MTHFD1: variants seen among roughly 807,000 people sequenced by gnomAD.
MTHFD1 encodes the protein methylenetetrahydrofolate dehydrogenase, cyclohydrolase and formyltetrahydrofolate synthetase 1, also known as C-1-tetrahydrofolate synthase, cytoplasmic.
Under a neutral mutation model 110.3 loss-of-function variants are expected in MTHFD1, and 44 were observed. The observed-to-expected ratio is 0.40, with a 90% CI of 0.31 to 0.51. The LOEUF is 0.51. MTHFD1 is among the 20% of genes least tolerant of loss of function. MTHFD1 has a pLI of 0.60. For synonymous variants in MTHFD1, 402 were observed against 428.8 expected (o/e 0.94, Z 0.77); for missense variants, 909 against 1,173.1 (o/e 0.77, Z 3.29).
intron 7 of MTHFD1, among the ~76,000 whole-genome samples, chr14:64,418,391 C>T (rs1416429996): frequency 6.9e-6 from 1 of 144,694 alleles, no homozygotes; most frequent in Admixed American, 7.2e-5. Context: ...GTCGAGGCTG[C>T]AGTAAGCTAC....
At chr14:64,440,775 C>T (rs535430363) in intron 18 of MTHFD1, 252 of 234,974 alleles carry the variant, frequency 1.1e-3, no homozygotes, top group Middle Eastern at 5.2e-3. Flanking sequence ...CGAGCATTGT[C>T]GTGCTCTAAA....
chr14:64,436,014 C>G (rs1322368931), intron 16 of MTHFD1, among the ~76,000 whole-genome samples: 1 of 152,098 alleles, frequency 6.6e-6, no homozygotes, highest in East Asian at 1.9e-4. Context: ...TTAATCACTT[C>G]TTGAATCATG....
In MTHFD1 at chr14:64,449,573, A is replaced by T; in HGVS notation, c.2408A>T (p.Gln803Leu). 6.2e-7 allele frequency: 1 copy of T among 1,614,246 alleles called. No individual in the cohort carries two copies. Among genetic ancestry groups the T allele is most frequent in the Non-Finnish European group, 8.5e-7 (1 of 1,180,046 alleles). Residue 803 changes from glutamine to leucine, a missense_variant, in exon 24 of 28, where the codon CAG becomes CTG. Gln to Leu is a moderately radical substitution (Grantham distance 113, BLOSUM62 -2). This residue lies in a region of MTHFD1 where 482 missense variants were observed against 646.0 expected (regional missense o/e 0.75). Coordinates refer to ENST00000652337, the MANE Select transcript of MTHFD1 (RefSeq NM_005956.4). ...GCCTTAGCCCTGGCTCAGGCCGTCC[A>T]GAGAGCAGCACAAGCACCCAGCAGC... ...KGALALAQAV[Q>L]RAAQAPSSFQ... is the part of the protein sequence containing the mutation.
intron 1 of MTHFD1, among the ~76,000 whole-genome samples, chr14:64,397,190 TAAA>T (rs1170738947): frequency 7.7e-4 from 4 of 5,204 alleles, no homozygotes; most frequent in African/African-American, 2.9e-3. Flanking sequence ...TATATATATA[TAAA>T]AAACAGTAAT....
intron 2 of MTHFD1, among the ~76,000 whole-genome samples, chr14:64,409,888 A>C (rs1244883581): frequency 6.6e-6 from 1 of 152,118 alleles, no homozygotes; most frequent in African/African-American, 2.4e-5. Flanking sequence ...CCTGTGTTAC[A>C]AAAGCCGGCT....
rs1275810295 is a variant in MTHFD1 at position 64,441,140 on chromosome 14, C to T, written c.1816-245C>T. The T allele has an allele frequency of 6.4e-5, 29 of 453,592 alleles. No individual in the cohort carries two copies. The East Asian group carries it at 1.2e-3, about 19-fold the overall frequency. The allele number at this position is 453,592 out of a possible 1,614,324, so 28.1% of individuals were successfully genotyped here. On this transcript the variant is annotated intron_variant, in intron 18 of 27. Coordinates refer to ENST00000652337, the MANE Select transcript of MTHFD1 (RefSeq NM_005956.4). ...CTGGGAGGTGGAGCTTGCAGTGAGC[C>T]GAGATTGCACCACTGCACTCCAGCC...
At chr14:64,410,626 G>T (rs914906704) in intron 2 of MTHFD1, among the ~76,000 whole-genome samples, 2 of 152,140 alleles carry the variant, frequency 1.3e-5, no homozygotes, top group Non-Finnish European at 2.9e-5. Flanking sequence ...TCTATTGTCT[G>T]TGTGGCGGGG....
intron 22 of MTHFD1, 187 bp downstream of exon 22, chr14:64,444,921 T>C (rs745885048): frequency 1.6e-6 from 1 of 643,416 alleles, no homozygotes; most frequent in Non-Finnish European, 2.8e-6. Context: ...CCTCACAAAA[T>C]AGAATTGTCC....
In MTHFD1 at chr14:64,408,285, C is replaced by CTTTTTTT. The variant is rs1555336630; in HGVS notation, c.127-2791_127-2785dup. Among the ~76,000 whole-genome samples, 7 of 121,182 alleles carry CTTTTTTT rather than the reference C, an allele frequency of 5.8e-5. No homozygotes were observed. In the South Asian group the frequency reaches 7.6e-4, roughly 13 times the overall value. 79.5% of individuals were successfully genotyped at this position (121,182 alleles called of 152,430 possible). On this transcript the variant is annotated intron_variant, in intron 2 of 27. Coordinates refer to ENST00000652337, the MANE Select transcript of MTHFD1 (RefSeq NM_005956.4). ...CCACCTTCAAGGAGAAATCAGCATTCTTTTTTTTTTTTTTTTTTTTGAGAT... is the reference window on the plus strand; with the variant it reads ...CCACCTTCAAGGAGAAATCAGCATTCTTTTTTTTTTTTTTTTTTTTTTTTTTTGAGAT...
chr14:64,418,447 T>A (rs1191953039), intron 7 of MTHFD1, among the ~76,000 whole-genome samples: 2 of 43,034 alleles, frequency 4.6e-5, no homozygotes, highest in Non-Finnish European at 9.4e-5. Context: ...CAAGACCCTG[T>A]CTCAAAAAAA....
At chr14:64,451,694 A>G (rs11849530) in intron 24 of MTHFD1, among the ~76,000 whole-genome samples, 30,973 of 152,140 alleles carry the variant, frequency 0.2, 3,742 homozygotes, top group East Asian at 0.35. Flanking sequence ...TTTAGAACCC[A>G]TTTCTACTTG....
rs780221079 is a variant in MTHFD1 at position 64,448,232 on chromosome 14, G to A, written c.2194G>A (p.Glu732Lys). 3 of 1,613,932 alleles carry A rather than the reference G, an allele frequency of 1.9e-6. No individual in the cohort carries two copies. Among genetic ancestry groups the A allele is most frequent in the Admixed American group, 1.7e-5 (1 of 60,010 alleles). Residue 732 changes from glutamate to lysine, a missense_variant, in exon 23 of 28, where the codon GAA becomes AAA. Around this residue, in one of 3 missense-constraint regions of MTHFD1, gnomAD observed 482 missense variants for 646.0 expected, o/e 0.75. Transcript: ENST00000652337. ...AYIQENLELVEKGFSNLKKQI... is the reference protein window; with the variant it reads ...AYIQENLELVKKGFSNLKKQI... ...GTTTTTACAGAACCTGGAGCTGGTT[G>A]AAAAAGGCTTCAGTAACTTGAAGAA...
At chr14:64,412,677 A>G in intron 4 of MTHFD1, 152 bp downstream of exon 4, 1 of 617,504 alleles carries the variant, frequency 1.6e-6, no homozygotes, top group Non-Finnish European at 2.8e-6. Context: ...TGCTCATGTC[A>G]CCCAGGCTGG....
chr14:64,389,527 G>A (rs527736332), intron 1 of MTHFD1, among the ~76,000 whole-genome samples: 4 of 152,200 alleles, frequency 2.6e-5, no homozygotes, highest in African/African-American at 9.6e-5. Context: ...ATCCAAAATG[G>A]TGAAACCCCA....
intron 16 of MTHFD1, among the ~76,000 whole-genome samples, chr14:64,436,559 C>G (rs1349724978): frequency 6.6e-6 from 1 of 152,208 alleles, no homozygotes; most frequent in Non-Finnish European, 1.5e-5. Flanking sequence ...CACTTTGCAT[C>G]AACAATGCAA....
intron 16 of MTHFD1, 38 bp downstream of exon 16, chr14:64,435,709 A>G (rs775528610): frequency 2.9e-5 from 35 of 1,188,796 alleles, no homozygotes; most frequent in Non-Finnish European, 4.0e-5. Flanking sequence ...TGTTTTGGCT[A>G]TATTGCACAC....
intron 2 of MTHFD1, among the ~76,000 whole-genome samples, chr14:64,408,669 T>C (rs8015898): frequency 0.21 from 32,670 of 152,146 alleles, 3,990 homozygotes; most frequent in African/African-American, 0.33. Context: ...AAAATGCCTA[T>C]ACTGGCCAAG....
In MTHFD1 at chr14:64,430,233, A is replaced by C. The variant is rs767053667; in HGVS notation, c.1311+3A>C. On this transcript the variant is annotated splice_donor_region_variant and intron_variant, in intron 13 of 27. Transcript: ENST00000652337. ...CCCAGGTCATTCCTATGGAAGAGGT[A>C]AAGTATTCTGGGATTTGGCTGAATT... 1 of 1,613,300 alleles carries C rather than the reference A, an allele frequency of 6.2e-7. No individual in the cohort carries two copies. The highest frequency in any genetic ancestry group is 2.2e-5 in the East Asian group (1 of 44,892).
chr14:64,399,308 T>G (rs2077879266), intron 1 of MTHFD1, among the ~76,000 whole-genome samples: 1 of 152,206 alleles, frequency 6.6e-6, no homozygotes, highest in South Asian at 2.1e-4. Flanking sequence ...TGCCATCAAC[T>G]AATACATTTT....
Sources: gnomAD v4.1 joint callset for allele counts (sites outside exome capture counted in the v4.1 genomes callset) on GRCh38, gnomAD v4.1.1 for gene constraint, gnomAD v4.1.1 regional missense constraint, MANE v1.5 for transcripts, NCBI Gene and HGNC (gene_info 2026-07-23, HGNC 2026-07-21) for gene names.